Variants in DLG2 observed in about 807,000 individuals in gnomAD.
The protein encoded by DLG2 is disks large homolog 2.
Under a neutral mutation model 132.5 loss-of-function variants are expected in DLG2, and 45 were observed. The ratio of observed to expected loss-of-function variants is 0.34; its 90% confidence interval spans 0.27 to 0.44. The LOEUF is 0.44. DLG2 is among the 20% of genes least tolerant of loss of function. The probability of loss-of-function intolerance (pLI) is 1.00; values close to 1 mark genes in which losing one functional copy is unlikely to be tolerated. For missense variants in DLG2, 1,045 were observed against 1,196.9 expected, an observed-to-expected ratio of 0.87 and a Z score of 1.87; for synonymous variants, 424 against 419.6, an observed-to-expected ratio of 1.01 and a Z score of -0.13.
intron 6 of DLG2, among the ~76,000 whole-genome samples, chr11:84,899,277 GCTGAAGGCAAAGTTTGAT>G (rs1182870969): frequency 6.6e-6 from 1 of 152,020 alleles, no homozygotes; most frequent in African/African-American, 2.4e-5. Flanking sequence ...AGGAAGGTTT[GCTGAAGGCAAAGTTTGAT>G]CTGCTATGGT....
intron 18 of DLG2, among the ~76,000 whole-genome samples, chr11:83,636,607 T>C (rs1232522000): frequency 2.0e-5 from 3 of 152,170 alleles, no homozygotes; most frequent in East Asian, 1.9e-4. Flanking sequence ...ATCTCAATCA[T>C]GTCATACATT....
intron 18 of DLG2, among the ~76,000 whole-genome samples, chr11:83,700,191 A>G (rs1030134857): frequency 6.6e-6 from 1 of 152,216 alleles, no homozygotes; most frequent in African/African-American, 2.4e-5. Flanking sequence ...AATGTATTGA[A>G]AGAGCTTACC....
At chr11:84,611,893 G>GA (rs2099596194) in intron 6 of DLG2, among the ~76,000 whole-genome samples, 1 of 152,086 alleles carries the variant, frequency 6.6e-6, no homozygotes, top group African/African-American at 2.4e-5. Context: ...TGATGCAATG[G>GA]AACCATTATA....
intron 6 of DLG2, among the ~76,000 whole-genome samples, chr11:84,611,020 G>GACACACACACAC (rs1377191854): frequency 7.0e-5 from 5 of 71,934 alleles, no homozygotes; most frequent in African/African-American, 3.2e-4. Flanking sequence ...TCTGTTAGAT[G>GACACACACACAC]ACATACACAC....
intron 6 of DLG2, among the ~76,000 whole-genome samples, chr11:85,056,406 T>C (rs2063466135): frequency 6.6e-6 from 1 of 152,072 alleles, no homozygotes; most frequent in Non-Finnish European, 1.5e-5. Flanking sequence ...AAAATGAATA[T>C]GTTTCAGCAG....
intron 17 of DLG2, among the ~76,000 whole-genome samples, chr11:83,789,818 T>A (rs2041046246): frequency 6.6e-6 from 1 of 152,210 alleles, no homozygotes; most frequent in African/African-American, 2.4e-5. Flanking sequence ...CGTGCTGGGA[T>A]TACAGGCGTG....
intron 6 of DLG2, among the ~76,000 whole-genome samples, chr11:84,684,724 AT>A (rs1270819225): frequency 6.6e-6 from 1 of 152,142 alleles, no homozygotes; most frequent in East Asian, 1.9e-4. Context: ...CTGTTGTAAA[AT>A]TTCCATGAAA....
chr11:84,289,401 C>T (rs1256561263), intron 7 of DLG2, among the ~76,000 whole-genome samples: 1 of 151,944 alleles, frequency 6.6e-6, no homozygotes, highest in African/African-American at 2.4e-5. Context: ...AGAAAAATTT[C>T]ATTGTAGCAC....
intron 6 of DLG2, among the ~76,000 whole-genome samples, chr11:84,863,664 G>T (rs1015916271): frequency 6.6e-6 from 1 of 152,096 alleles, no homozygotes; most frequent in African/African-American, 2.4e-5. Context: ...GAAGAAAAAG[G>T]CAAGGAAGGA....
At chr11:84,170,466 G>A (rs555156125) in intron 8 of DLG2, among the ~76,000 whole-genome samples, 53 of 152,258 alleles carry the variant, frequency 3.5e-4, no homozygotes, top group Admixed American at 5.9e-4. Context: ...ATGTAACAAA[G>A]CGATAGGAGT....
intron 15 of DLG2, among the ~76,000 whole-genome samples, chr11:83,900,066 A>G (rs968296154): frequency 5.9e-5 from 9 of 152,202 alleles, no homozygotes; most frequent in African/African-American, 2.2e-4. Context: ...TTTAGCAAAG[A>G]AACAGGAAGC....
intron 23 of DLG2, 68 bp from the exon 24 acceptor site, chr11:83,471,795 AAGGGTGATT>A: frequency 6.9e-6 from 9 of 1,295,204 alleles, no homozygotes; most frequent in Non-Finnish European, 8.9e-6. Context: ...ACTGTCCTGC[AAGGGTGATT>A]CTTAATTGCC....
At position 83,736,732 on chromosome 11, in the gene DLG2, TAAG is replaced by T. The variant is rs369106344; in HGVS notation, c.1825+49955_1825+49957del. On this transcript the variant is annotated intron_variant, in intron 18 of 27. Transcript: ENST00000376104. ...TTCTCTAGAGCATTGCCCTAAAGAA[TAAG>T]AAGAAGAAGAAAAAAAAAGCATCCA... Among the ~76,000 whole-genome samples the T allele has an allele frequency of 5.3e-5, 8 of 151,770 alleles. 1 individual carries two copies. The South Asian group carries it at 8.3e-4, about 16-fold the overall frequency.
chr11:85,533,977 G>GGTTATTT (rs1470936416), intron 3 of DLG2, among the ~76,000 whole-genome samples: 1 of 152,068 alleles, frequency 6.6e-6, no homozygotes, highest in African/African-American at 2.4e-5. Flanking sequence ...GTTGCTCTCT[G>GGTTATTT]GTTTTTTGTT....
At chr11:84,280,061 T>C (rs1006821783) in intron 7 of DLG2, among the ~76,000 whole-genome samples, 5 of 151,992 alleles carry the variant, frequency 3.3e-5, no homozygotes, top group South Asian at 2.1e-4. Flanking sequence ...TAAATACAGA[T>C]TGGAAACAAA....
chr11:85,234,818 T>C (rs2075494547), intron 4 of DLG2, among the ~76,000 whole-genome samples: 2 of 151,986 alleles, frequency 1.3e-5, no homozygotes, highest in Non-Finnish European at 2.9e-5. Context: ...TAAAATAACC[T>C]TTTTTATTTT....
At chr11:83,898,466 T>A (rs1005256956) in intron 15 of DLG2, among the ~76,000 whole-genome samples, 1 of 152,104 alleles carries the variant, frequency 6.6e-6, no homozygotes, top group African/African-American at 2.4e-5. Context: ...ATTTTCTTCA[T>A]TTACTAATAA....
intron 6 of DLG2, among the ~76,000 whole-genome samples, chr11:84,831,713 C>T (rs1020400661): frequency 7.9e-5 from 12 of 151,712 alleles, no homozygotes; most frequent in African/African-American, 2.7e-4. Context: ...TTTACCACCT[C>T]ATTTAATAAG....
chr11:84,308,725 C>CGGTG (rs2098256024), intron 7 of DLG2, among the ~76,000 whole-genome samples: 1 of 152,158 alleles, frequency 6.6e-6, no homozygotes, highest in Admixed American at 6.5e-5. Flanking sequence ...AGCGCAGCGC[C>CGGTG]GGTGGGCCGG....
Sources: allele counts gnomAD v4.1 joint callset (sites outside exome capture counted in the v4.1 genomes callset), GRCh38; gene constraint gnomAD v4.1.1; transcripts MANE v1.5; gene names NCBI Gene and HGNC (gene_info 2026-07-23, HGNC 2026-07-21).